MIS18A: variants seen among roughly 807,000 people sequenced by gnomAD.
MIS18A encodes protein Mis18-alpha.
Under a neutral mutation model 25.0 loss-of-function variants are expected in MIS18A, and 14 were observed. The observed-to-expected ratio is 0.56, with a 90% CI of 0.37 to 0.88. The LOEUF (loss-of-function observed/expected upper bound fraction) is 0.88, where lower values mean the gene tolerates loss of function less well. MIS18A is among the 40% of genes least tolerant of loss of function. The pLI is 0.00. For synonymous variants in MIS18A, 134 were observed against 118.6 expected (o/e 1.13, Z -0.84); for missense variants, 292 against 290.8 (o/e 1.00, Z -0.03).
the MIS18A span, among the ~76,000 whole-genome samples, chr21:32,228,728 T>C: frequency 1.3e-5 from 2 of 152,036 alleles, no homozygotes; most frequent in Non-Finnish European, 2.9e-5. Flanking sequence ...CAATGAATAA[T>C]CTGAGAATGA....
At chr21:32,156,843 A>G in the MIS18A span, among the ~76,000 whole-genome samples, 3 of 152,044 alleles carry the variant, frequency 2.0e-5, no homozygotes, top group Admixed American at 1.3e-4. Flanking sequence ...CAAATTGACC[A>G]TGACCCAGGT....
the MIS18A span, among the ~76,000 whole-genome samples, chr21:32,214,077 G>A: frequency 6.6e-6 from 1 of 152,142 alleles, no homozygotes; most frequent in Non-Finnish European, 1.5e-5. Flanking sequence ...TAGACACTCT[G>A]ACATCCACCA....
chr21:32,217,069 TA>T, the MIS18A span, among the ~76,000 whole-genome samples: 1 of 151,900 alleles, frequency 6.6e-6, no homozygotes, highest in Non-Finnish European at 1.5e-5. Flanking sequence ...TTAATAACAA[TA>T]AAAAATTATG....
chr21:32,250,677 T>A, the MIS18A span, among the ~76,000 whole-genome samples: 1 of 152,212 alleles, frequency 6.6e-6, no homozygotes, highest in Non-Finnish European at 1.5e-5. Flanking sequence ...TGTGTAGCCA[T>A]CTAGACGCCC....
At chr21:32,159,157 T>C in the MIS18A span, among the ~76,000 whole-genome samples, 1 of 152,200 alleles carries the variant, frequency 6.6e-6, no homozygotes, top group Non-Finnish European at 1.5e-5. Context: ...AATTCTTAAA[T>C]TGGAAATTAC....
At chr21:32,249,449 C>T in the MIS18A span, among the ~76,000 whole-genome samples, 3 of 152,166 alleles carry the variant, frequency 2.0e-5, no homozygotes, top group African/African-American at 7.2e-5. Context: ...TTATACATAG[C>T]CATAATTAAC....
the MIS18A span, among the ~76,000 whole-genome samples, chr21:32,176,605 C>T: frequency 5.2e-4 from 79 of 151,768 alleles, no homozygotes; most frequent in African/African-American, 1.6e-3. Flanking sequence ...TAAAAGTGTA[C>T]GTATTAGAAA....
chr21:32,237,839 C>A, the MIS18A span, among the ~76,000 whole-genome samples: 1 of 151,966 alleles, frequency 6.6e-6, no homozygotes, highest in South Asian at 2.1e-4. Flanking sequence ...GGGGAGGAAC[C>A]AACCAGAAGT....
the MIS18A span, among the ~76,000 whole-genome samples, chr21:32,161,596 A>C: frequency 2.6e-5 from 4 of 151,290 alleles, no homozygotes; most frequent in African/African-American, 9.7e-5. Context: ...GCTTCAAGAG[A>C]TTCTCCTGCC....
the MIS18A span, among the ~76,000 whole-genome samples, chr21:32,261,796 A>C: frequency 2.0e-5 from 3 of 152,344 alleles, no homozygotes; most frequent in South Asian, 4.1e-4. Flanking sequence ...TGAGAGCTTG[A>C]AAGAGAGGCC....
chr21:32,228,060 C>CA, the MIS18A span, among the ~76,000 whole-genome samples: 17 of 152,060 alleles, frequency 1.1e-4, no homozygotes, highest in African/African-American at 3.9e-4. Flanking sequence ...AGGGCATCTA[C>CA]AAAAAAAGTT....
the MIS18A span, among the ~76,000 whole-genome samples, chr21:32,195,489 C>T: frequency 6.6e-6 from 1 of 152,164 alleles, no homozygotes; most frequent in East Asian, 1.9e-4. Flanking sequence ...TGGCTGGTGC[C>T]CCATGCTAGC....
chr21:32,250,177 C>CA, the MIS18A span, among the ~76,000 whole-genome samples: 1 of 151,302 alleles, frequency 6.6e-6, no homozygotes, highest in Non-Finnish European at 1.5e-5. Context: ...ATTCTTGCCC[C>CA]TTTTTTTTTC....
chr21:32,259,342 TTC>T, the MIS18A span, among the ~76,000 whole-genome samples: 63 of 152,254 alleles, frequency 4.1e-4, 1 homozygote, highest in African/African-American at 1.5e-3. Flanking sequence ...TTACAATTCT[TTC>T]CCACACCCAA....
chr21:32,221,095 G>A, the MIS18A span, among the ~76,000 whole-genome samples: 1 of 152,144 alleles, frequency 6.6e-6, no homozygotes, highest in Non-Finnish European at 1.5e-5. Context: ...GACCTAGCAA[G>A]ATAGGCCAAC....
At chr21:32,239,593 C>T in the MIS18A span, among the ~76,000 whole-genome samples, 1 of 152,160 alleles carries the variant, frequency 6.6e-6, no homozygotes, top group Admixed American at 6.5e-5. Context: ...ACGAAGGTGC[C>T]ATCGCAACCA....
At chr21:32,238,765 G>T in the MIS18A span, among the ~76,000 whole-genome samples, 1 of 152,110 alleles carries the variant, frequency 6.6e-6, no homozygotes, top group Non-Finnish European at 1.5e-5. Context: ...AGTGACTTCT[G>T]TAAGTCAAAA....
the MIS18A span, among the ~76,000 whole-genome samples, chr21:32,189,796 G>A: frequency 6.6e-6 from 1 of 152,066 alleles, no homozygotes; most frequent in African/African-American, 2.4e-5. Flanking sequence ...TTTGCTTCCT[G>A]CCATCCTCTG....
chr21:32,178,939 T>C, the MIS18A span, among the ~76,000 whole-genome samples: 2 of 152,162 alleles, frequency 1.3e-5, no homozygotes, highest in Admixed American at 1.3e-4. Flanking sequence ...TATCTTCAGC[T>C]GCTTCAGCTG....
Sources: gnomAD v4.1 joint callset for allele counts (sites outside exome capture counted in the v4.1 genomes callset) on GRCh38, gnomAD v4.1.1 for gene constraint, MANE v1.5 for transcripts, NCBI Gene and HGNC (gene_info 2026-07-23, HGNC 2026-07-21) for gene names.